The following CELF4 variants were observed in gnomAD, a reference collection of about 807,000 sequenced individuals.
The protein encoded by CELF4 is CUG-BP- and ETR-3-like factor 4.
CELF4 carries 18 observed loss-of-function variants against 59.9 expected under a neutral mutation model. That is an observed-to-expected ratio of 0.30 (90% CI 0.21 to 0.45). The LOEUF (loss-of-function observed/expected upper bound fraction) is 0.45. CELF4 is among the 20% of genes least tolerant of loss of function. The pLI is 1.00. For synonymous variants in CELF4, 261 were observed against 267.1 expected, an observed-to-expected ratio of 0.98 and a Z score of 0.22; for missense variants, 456 against 689.0, an observed-to-expected ratio of 0.66 and a Z score of 3.79.
At chr18:37,551,855 C>G (rs1000431724) in intron 1 of CELF4, among the ~76,000 whole-genome samples, 11 of 152,234 alleles carry the variant, frequency 7.2e-5, no homozygotes, top group African/African-American at 2.7e-4. Context: ...CCACCCATGA[C>G]TGATTCTCCC....
intron 3 of CELF4, chr18:37,275,920 C>T (rs919809456): frequency 6.6e-6 from 1 of 152,284 alleles, no homozygotes; most frequent in African/African-American, 2.4e-5. Flanking sequence ...GGGAAAGAGA[C>T]CAGGCCTCTC....
chr18:37,429,880 A>G (rs1386064763), intron 2 of CELF4, among the ~76,000 whole-genome samples: 1 of 151,430 alleles, frequency 6.6e-6, no homozygotes, highest in Non-Finnish European at 1.5e-5. Context: ...GCCCTGCCTG[A>G]CTCCTGTGTC....
intron 1 of CELF4, among the ~76,000 whole-genome samples, chr18:37,552,060 C>A (rs1007318445): frequency 2.6e-5 from 4 of 152,242 alleles, no homozygotes; most frequent in Non-Finnish European, 5.9e-5. Context: ...GGGCTTATGC[C>A]GTCTTTCTCT....
At chr18:37,497,787 C>T (rs1298814319) in intron 1 of CELF4, among the ~76,000 whole-genome samples, 1 of 152,080 alleles carries the variant, frequency 6.6e-6, no homozygotes, top group Non-Finnish European at 1.5e-5. Context: ...TAGCAGCAAA[C>T]ACTCACTGAT....
At position 37,393,073 on chromosome 18, in the gene CELF4, GA is replaced by G. The variant is rs1300219449; in HGVS notation, c.370-71193del. Among the ~76,000 whole-genome samples, 6 of 40,988 alleles carry G rather than the reference GA, an allele frequency of 1.5e-4. 1 individual carries two copies. In the Admixed American group the frequency reaches 1.5e-3, roughly 10 times the overall value. 26.9% of individuals were successfully genotyped at this position (40,988 alleles called of 152,430 possible). ...GACACAGGGACTGCGGTGTGTTAGA[GA>G]GACACAGGGACTGCGGTGTGTTAGA... On this transcript the variant is annotated intron_variant, in intron 2 of 12. Transcript: ENST00000420428.
At chr18:37,287,821 A>G (rs1312066991) in intron 3 of CELF4, among the ~76,000 whole-genome samples, 1 of 152,264 alleles carries the variant, frequency 6.6e-6, no homozygotes, top group African/African-American at 2.4e-5. Context: ...TATCCAGATT[A>G]AATGTTAGAT....
At chr18:37,554,684 C>A (rs2099984257) in intron 1 of CELF4, among the ~76,000 whole-genome samples, 1 of 152,204 alleles carries the variant, frequency 6.6e-6, no homozygotes, top group South Asian at 2.1e-4. Context: ...ACCAGAGACA[C>A]TTCCTGACTG....
intron 2 of CELF4, among the ~76,000 whole-genome samples, chr18:37,344,813 G>A (rs1169258043): frequency 6.6e-6 from 1 of 152,204 alleles, no homozygotes; most frequent in African/African-American, 2.4e-5. Flanking sequence ...GCAAGGGGAG[G>A]GGACACGCCC....
In CELF4 at chr18:37,246,260, G is replaced by A. The variant is rs569217571; in HGVS notation, c.*45-1063C>T. Among the ~76,000 whole-genome samples, 2 of 152,112 alleles carry A rather than the reference G, an allele frequency of 1.3e-5. No individual in the cohort carries two copies. The highest frequency in any genetic ancestry group is 1.9e-4 in the East Asian group (1 of 5,196). On this transcript the variant is annotated intron_variant, in intron 12 of 12. Transcript: ENST00000420428. This position sits in a 1 kb window ranked among gnomAD's most constrained non-coding sequence, Gnocchi z 5.3. The stretch of plus-strand genomic sequence containing the variant: ...CTGTTGATTCAACAAACAGCAAACC[G>A]TACACAGCAGTCTAAACAATTACAA...
chr18:37,495,437 G>C (rs1208932256), intron 1 of CELF4, among the ~76,000 whole-genome samples: 1 of 152,026 alleles, frequency 6.6e-6, no homozygotes, highest in Non-Finnish European at 1.5e-5. Flanking sequence ...TGTTTTTTCA[G>C]AACTTCAGAG....
At chr18:37,554,524 G>T (rs2099984207) in intron 1 of CELF4, among the ~76,000 whole-genome samples, 1 of 152,070 alleles carries the variant, frequency 6.6e-6, no homozygotes, top group Non-Finnish European at 1.5e-5. Flanking sequence ...ACAATCAAAG[G>T]CATCACCCGC....
intron 2 of CELF4, among the ~76,000 whole-genome samples, chr18:37,400,888 T>G (rs530110016): frequency 1.9e-4 from 29 of 152,372 alleles, no homozygotes; most frequent in African/African-American, 6.5e-4. Context: ...TAGAGGCTCA[T>G]GAATTGGGTT....
Position 37,243,419 on chromosome 18 carries a change from A to G in CELF4, c.*1823T>C, listed in dbSNP as rs534118022. On this transcript the variant is annotated 3_prime_UTR_variant, in exon 13 of 13. Coordinates refer to ENST00000420428, the MANE Select transcript of CELF4 (RefSeq NM_020180.4). ...GGAATCAAGGCAGAATGCCAAAGCA[A>G]TCTTCCCAAGGGTGCAAATAAATTA... 4 of 152,020 alleles carry G rather than the reference A, an allele frequency of 2.6e-5. No homozygotes were observed. The highest frequency in any genetic ancestry group is 5.9e-5 in the Non-Finnish European group (4 of 68,000). The allele number at this position is 152,020 out of a possible 1,614,324, so 9.4% of individuals were successfully genotyped here.
chr18:37,277,288 G>T (rs1050294802), intron 3 of CELF4, among the ~76,000 whole-genome samples: 1 of 152,188 alleles, frequency 6.6e-6, no homozygotes, highest in East Asian at 1.9e-4. Flanking sequence ...CCTCCAACAG[G>T]GTGGGCCTCA....
Position 37,325,644 on chromosome 18 carries a change from C to T in CELF4, c.370-3763G>A, listed in dbSNP as rs75036825. On this transcript the variant is annotated intron_variant, in intron 2 of 12. Coordinates refer to ENST00000420428, the MANE Select transcript of CELF4 (RefSeq NM_020180.4). Reference sequence around the variant, plus strand: ...GTTGGGCTCACCCCTCACACACAGGCCCCTCTGCTTCCCTCCAGTTTTACT... The same window carrying T: ...GTTGGGCTCACCCCTCACACACAGGTCCCTCTGCTTCCCTCCAGTTTTACT... 3.7e-3 allele frequency among the ~76,000 whole-genome samples: 564 copies of T among 152,354 alleles called. 5 individuals carry two copies. The highest frequency in any genetic ancestry group is 0.013 in the African/African-American group (539 of 41,582).
chr18:37,428,750 G>A (rs1037626877), intron 2 of CELF4, among the ~76,000 whole-genome samples: 7 of 152,194 alleles, frequency 4.6e-5, no homozygotes, highest in Non-Finnish European at 1.5e-5. Context: ...TACTGAAGTA[G>A]GGCCCCCATG....
chr18:37,255,959 A>C (rs1264820748), intron 11 of CELF4, among the ~76,000 whole-genome samples: 1 of 152,184 alleles, frequency 6.6e-6, no homozygotes, highest in Admixed American at 6.5e-5. Flanking sequence ...AAGAGTTTAG[A>C]GGTCCTCGGA....
intron 1 of CELF4, among the ~76,000 whole-genome samples, chr18:37,558,462 C>A (rs1463490472): frequency 6.9e-6 from 1 of 144,472 alleles, no homozygotes; most frequent in Non-Finnish European, 1.5e-5. Context: ...TCTCCTTCTT[C>A]AGGCCCCACT....
intron 1 of CELF4, among the ~76,000 whole-genome samples, chr18:37,525,418 G>T (rs569634229): frequency 6.6e-6 from 1 of 152,334 alleles, no homozygotes; most frequent in East Asian, 1.9e-4. Flanking sequence ...CGCCCTTCGG[G>T]GTGGCCTTCT....
Sources: gnomAD v4.1 joint callset for allele counts (sites outside exome capture counted in the v4.1 genomes callset) on GRCh38, gnomAD v4.1.1 for gene constraint, Gnocchi (gnomAD v3.1) non-coding constraint, MANE v1.5 for transcripts, NCBI Gene and HGNC (gene_info 2026-07-23, HGNC 2026-07-21) for gene names.